MRC1: variants seen among roughly 807,000 people sequenced by gnomAD.
MRC1 encodes the protein mannose receptor C-type 1.
MRC1 carries 62 observed loss-of-function variants against 102.9 expected under a neutral mutation model. That is an observed-to-expected ratio of 0.60 (90% CI 0.49 to 0.74). MRC1 has a LOEUF of 0.74. Among genes scored for constraint, MRC1 ranks in the 30% least tolerant of loss-of-function variants. MRC1 has a pLI of 0.00. For missense variants in MRC1, 1,237 were observed against 862.8 expected (o/e 1.43, Z -5.43); for synonymous variants, 457 against 298.4 (o/e 1.53, Z -5.48).
At chr10:17,838,988 A>G (rs931188104) in intron 4 of MRC1, among the ~76,000 whole-genome samples, 1 of 152,214 alleles carries the variant, frequency 6.6e-6, no homozygotes, top group African/African-American at 2.4e-5. Flanking sequence ...TTTAAGAGAT[A>G]TATTTTAACC....
chr10:17,817,865 C>A (rs1363907340), intron 1 of MRC1, among the ~76,000 whole-genome samples: 1 of 152,146 alleles, frequency 6.6e-6, no homozygotes, highest in Admixed American at 6.5e-5. Context: ...GTCTTGAATA[C>A]GCCTTCAGAG....
At chr10:17,832,151 A>G (rs1272029924) in intron 3 of MRC1, among the ~76,000 whole-genome samples, 1 of 151,564 alleles carries the variant, frequency 6.6e-6, no homozygotes, top group Non-Finnish European at 1.5e-5. Context: ...CCTGCTGACA[A>G]TCTTATGCTT....
chr10:17,834,474 G>A (rs1473054344), intron 4 of MRC1, among the ~76,000 whole-genome samples: 6 of 152,094 alleles, frequency 3.9e-5, no homozygotes, highest in East Asian at 1.9e-4. Context: ...GTGCAATGAC[G>A]CAATCTCAGC....
At chr10:17,863,733 G>C (rs1187616418) in intron 11 of MRC1, 51 bp downstream of exon 11, 15 of 767,978 alleles carry the variant, frequency 2.0e-5, no homozygotes, top group Non-Finnish European at 3.6e-5. Context: ...GAATCTGTTA[G>C]ATAAAGTCTG....
At position 17,861,482 on chromosome 10, in the gene MRC1, T is replaced by C. The variant is rs1833183075; in HGVS notation, c.1614T>C (p.Tyr538=). 1.3e-5 allele frequency: 11 copies of C among 871,814 alleles called. No individual in the cohort carries two copies. Among genetic ancestry groups the C allele is most frequent in the Non-Finnish European group, 2.0e-5 (10 of 500,838 alleles). The allele number at this position is 871,814 out of a possible 1,614,324, so 54.0% of individuals were successfully genotyped here. A position where few individuals can be genotyped will look rare whatever the true frequency, so the allele number is the denominator to read the frequency against. ...AAACCTGTAATAATGAGAATGCTTA[T>C]TTAACAACTATTGAAGACAGGTATG... The part of the protein sequence containing the change: ...ANQTCNNENA[Y]LTTIEDRYEQ... The change falls in exon 10 of 30, where the codon TAT becomes TAC. Residue 538 remains tyrosine (Y), a synonymous_variant. Transcript: ENST00000569591.
intron 22 of MRC1, 124 bp downstream of exon 22, chr10:17,885,559 A>C (rs1336978142): frequency 2.9e-6 from 2 of 686,322 alleles, no homozygotes; most frequent in Admixed American, 4.6e-5. Context: ...ATGCTTGCAG[A>C]TTTTACCTAT....
At chr10:17,873,680 T>TAA in intron 15 of MRC1, 104 bp from the exon 16 acceptor site, 1 of 792,892 alleles carries the variant, frequency 1.3e-6, no homozygotes, top group African/African-American at 1.7e-5. Flanking sequence ...AGAGAACAAC[T>TAA]AAGTTTTTAG....
At chr10:17,820,290 C>A (rs1434990911) in intron 1 of MRC1, among the ~76,000 whole-genome samples, 3 of 151,846 alleles carry the variant, frequency 2.0e-5, no homozygotes, top group African/African-American at 7.3e-5. Context: ...GATGCAAAAA[C>A]AAGCTGAAAA....
intron 11 of MRC1, among the ~76,000 whole-genome samples, chr10:17,866,198 C>T (rs1009995321): frequency 9.3e-4 from 139 of 149,608 alleles, no homozygotes; most frequent in African/African-American, 3.0e-3. Context: ...GGAAAACCTA[C>T]GTAGACCTTA....
chr10:17,837,207 A>G (rs1402815306), intron 4 of MRC1, among the ~76,000 whole-genome samples: 1 of 152,236 alleles, frequency 6.6e-6, no homozygotes, highest in African/African-American at 2.4e-5. Context: ...CACCTCAGAT[A>G]CTTACTTGAA....
intron 22 of MRC1, among the ~76,000 whole-genome samples, chr10:17,892,987 C>A (rs1317108230): frequency 3.4e-4 from 48 of 142,634 alleles, no homozygotes; most frequent in Admixed American, 5.8e-4. Context: ...TCCAGCCTGG[C>A]GACAGAGCGA....
intron 9 of MRC1, among the ~76,000 whole-genome samples, chr10:17,860,752 T>C (rs953177468): frequency 1.3e-5 from 2 of 152,232 alleles, no homozygotes; most frequent in Non-Finnish European, 2.9e-5. Context: ...TGGTTACCTA[T>C]TCTAAAACTG....
At chr10:17,853,244 C>A in intron 8 of MRC1, 120 bp downstream of exon 8, 1 of 712,006 alleles carries the variant, frequency 1.4e-6, no homozygotes, top group South Asian at 1.6e-5. Flanking sequence ...TGGCATGGAT[C>A]AAAGGTGAAC....
chr10:17,865,167 G>A (rs1343452222), intron 11 of MRC1, among the ~76,000 whole-genome samples: 2 of 152,054 alleles, frequency 1.3e-5, no homozygotes, highest in Admixed American at 6.5e-5. Context: ...AAAAATAATA[G>A]CTCGAGTCTA....
chr10:17,884,696 C>T (rs1833566006), intron 21 of MRC1, among the ~76,000 whole-genome samples: 1 of 152,188 alleles, frequency 6.6e-6, no homozygotes, highest in Non-Finnish European at 1.5e-5. Flanking sequence ...AAACCTCCCC[C>T]ATGATTCAAT....
At chr10:17,890,781 C>T (rs1213097859) in intron 22 of MRC1, among the ~76,000 whole-genome samples, 2 of 152,114 alleles carry the variant, frequency 1.3e-5, no homozygotes, top group African/African-American at 4.8e-5. Context: ...ACCCGTGGGC[C>T]ACAGATGGGT....
At chr10:17,867,075 TCCC>T (rs1314792809) in intron 12 of MRC1, among the ~76,000 whole-genome samples, 2 of 143,204 alleles carry the variant, frequency 1.4e-5, no homozygotes, top group Non-Finnish European at 3.0e-5. Context: ...CTCCCTCCAT[TCCC>T]CCCTTGCCCT....
At chr10:17,836,151 C>T (rs1028907520) in intron 4 of MRC1, among the ~76,000 whole-genome samples, 4 of 152,236 alleles carry the variant, frequency 2.6e-5, no homozygotes, top group Admixed American at 6.5e-5. Context: ...CACTCCCTAC[C>T]TTGCCTCATT....
intron 11 of MRC1, among the ~76,000 whole-genome samples, chr10:17,866,050 T>G (rs1833261889): frequency 6.6e-6 from 1 of 152,210 alleles, no homozygotes; most frequent in Admixed American, 6.5e-5. Context: ...AAAGCTGGCA[T>G]TCCTTACAGT....
Sources: allele counts gnomAD v4.1 joint callset (sites outside exome capture counted in the v4.1 genomes callset), GRCh38; gene constraint gnomAD v4.1.1; transcripts MANE v1.5; gene names NCBI Gene and HGNC (gene_info 2026-07-23, HGNC 2026-07-21).